ZNF730: variants seen among roughly 807,000 people sequenced by gnomAD.
ZNF730 encodes zinc finger protein 730.
A neutral mutation model predicts 12.6 loss-of-function variants in ZNF730; 12 were observed. That is an observed-to-expected ratio of 0.95 (90% CI 0.61 to 1.54). ZNF730 has a LOEUF of 1.54. Among genes scored for constraint, ZNF730 ranks in the 40% most tolerant of loss-of-function variants. The pLI, the probability that ZNF730 is intolerant of heterozygous loss-of-function variation, is 0.00. For missense variants in ZNF730, 643 were observed against 583.5 expected (o/e 1.10, Z -1.05); for synonymous variants, 194 against 195.8 (o/e 0.99, Z 0.08).
At chr19:23,089,011 T>C (rs774709685) in intron 1 of ZNF730, among the ~76,000 whole-genome samples, 12 of 151,726 alleles carry the variant, frequency 7.9e-5, no homozygotes, top group Non-Finnish European at 1.3e-4. Context: ...TAGCTGGGAT[T>C]ACAGGCATGT....
In ZNF730 at chr19:23,135,988, G is replaced by A; in HGVS notation, c.171G>A (p.Glu57=). 2 of 1,609,126 alleles carry A rather than the reference G, an allele frequency of 1.2e-6. No homozygotes were observed. Among genetic ancestry groups the A allele is most frequent in the South Asian group, 1.1e-5 (1 of 90,532 alleles). ...VSKPDLITCL[E]QEKEPWNLKT... ...AGCCAGACCTGATCACCTGTCTGGA[G>A]CAAGAAAAAGAGCCTTGGAATTTGA... is the stretch of plus-strand genomic sequence containing the variant. Residue 57 remains glutamate (E), a synonymous_variant, in exon 3 of 4, where the codon GAG becomes GAA. Coordinates refer to ENST00000597761, the MANE Select transcript of ZNF730 (RefSeq NM_001277403.2).
At position 23,146,613 on chromosome 19, in the gene ZNF730, G is replaced by C; in HGVS notation, c.*57G>C. The C allele has an allele frequency of 6.3e-7, 1 of 1,580,550 alleles. No homozygotes were observed. The highest frequency in any genetic ancestry group is 1.1e-5 in the South Asian group (1 of 90,224). On this transcript the variant is annotated 3_prime_UTR_variant, in exon 4 of 4. Transcript: ENST00000597761. ...AATCTTTATACCTTACTACACATAA[G>C]ATAATTCATACTGAAGAGAAACCCT...
At chr19:23,140,595 A>C (rs1970901756) in intron 3 of ZNF730, among the ~76,000 whole-genome samples, 1 of 145,140 alleles carries the variant, frequency 6.9e-6, no homozygotes, top group Admixed American at 7.0e-5. Flanking sequence ...TGGGCAAAGC[A>C]AGACTCGGTC....
At chr19:23,139,648 C>T (rs192154731) in intron 3 of ZNF730, among the ~76,000 whole-genome samples, 2 of 152,120 alleles carry the variant, frequency 1.3e-5, no homozygotes, top group South Asian at 4.1e-4. Flanking sequence ...TCTCAGCCTC[C>T]CGAGTAACTG....
In ZNF730 at chr19:23,147,051, C is replaced by CA; in HGVS notation, c.*497dup. Reference sequence around the variant, plus strand: ...TGATTCATACTGGAGAAAACTTCTACAAGTGTAAACAAAGTGGCAAAACTT... The same window carrying CA: ...TGATTCATACTGGAGAAAACTTCTACAAAGTGTAAACAAAGTGGCAAAACTT... On this transcript the variant is annotated 3_prime_UTR_variant, in exon 4 of 4. Transcript: ENST00000597761. 3.8e-6 allele frequency: 1 copy of CA among 263,874 alleles called. No individual in the cohort carries two copies. Among genetic ancestry groups the CA allele is most frequent in the Middle Eastern group, 1.4e-3 (1 of 710 alleles). 16.3% of individuals were successfully genotyped at this position (263,874 alleles called of 1,614,324 possible).
chr19:23,075,285 A>ACCCCCGC (rs1969836173), exon 1 of ZNF730: 1 of 152,120 alleles, frequency 6.6e-6, no homozygotes, highest in Non-Finnish European at 1.5e-5. Context: ...GGAACCACCG[A>ACCCCCGC]CCCCCGCCCG....
At chr19:23,101,776 G>T (rs567963548) in intron 1 of ZNF730, among the ~76,000 whole-genome samples, 10 of 152,252 alleles carry the variant, frequency 6.6e-5, no homozygotes, top group Non-Finnish European at 1.0e-4. Flanking sequence ...CACCATGTTG[G>T]TCAGGCTGGT....
chr19:23,126,541 C>A, intron 1 of ZNF730: 1 of 401,922 alleles, frequency 2.5e-6, no homozygotes, highest in Non-Finnish European at 5.0e-6. Context: ...GGAAGGCAGC[C>A]CTTTTCAACA....
rs1971020996 is a variant in ZNF730 at position 23,146,732 on chromosome 19, A to G, written c.*176A>G. ...ACTGGAGAAAAACCTACAAATGTGAAGAATGTGGCAAAGTCTTCAACCAAT... is the reference window on the plus strand; with the variant it reads ...ACTGGAGAAAAACCTACAAATGTGAGGAATGTGGCAAAGTCTTCAACCAAT... On this transcript the variant is annotated 3_prime_UTR_variant, in exon 4 of 4. Transcript: ENST00000597761. 6 of 1,316,902 alleles carry G rather than the reference A, an allele frequency of 4.6e-6. No individual in the cohort carries two copies. The highest frequency in any genetic ancestry group is 1.7e-5 in the Admixed American group (1 of 59,362). The allele number at this position is 1,316,902 out of a possible 1,614,324, so 81.6% of individuals were successfully genotyped here. A position where few individuals can be genotyped will look rare whatever the true frequency, so the allele number is the denominator to read the frequency against.
chr19:23,131,929 T>C (rs547645092), intron 1 of ZNF730, among the ~76,000 whole-genome samples: 1 of 152,328 alleles, frequency 6.6e-6, no homozygotes, highest in Admixed American at 6.5e-5. Context: ...ACATTTATGA[T>C]AGTTAAGTCT....
Position 23,146,156 on chromosome 19 carries a change from A to G in ZNF730, c.1112A>G (p.Lys371Arg). The G allele has an allele frequency of 5.0e-6, 8 of 1,608,702 alleles. No individual in the cohort carries two copies. The highest frequency in any genetic ancestry group is 6.8e-6 in the Non-Finnish European group (8 of 1,177,280). The change falls in exon 4 of 4, where the codon AAA (lysine) becomes AGA (arginine). Residue 371 changes from lysine to arginine, a missense_variant. Lys to Arg is a conservative substitution (Grantham distance 26). Transcript: ENST00000597761. ...ACTGGAGGGAAACCCTACAAATATA[A>G]AGAATGTGGTAAAGCTTTTAACCAA... is the stretch of plus-strand genomic sequence containing the variant. The part of the protein sequence containing the change: ...THTGGKPYKY[K>R]ECGKAFNQSS...
At chr19:23,102,120 C>T (rs977700830) in intron 1 of ZNF730, among the ~76,000 whole-genome samples, 1 of 152,134 alleles carries the variant, frequency 6.6e-6, no homozygotes, top group Non-Finnish European at 1.5e-5. Context: ...AATGTGACTC[C>T]GTTTTTGCCT....
intron 1 of ZNF730, among the ~76,000 whole-genome samples, chr19:23,119,565 T>A (rs1970573338): frequency 6.6e-6 from 1 of 152,212 alleles, no homozygotes; most frequent in African/African-American, 2.4e-5. Flanking sequence ...GCTCACGCCA[T>A]CTCAGCACTT....
upstream of ZNF730, among the ~76,000 whole-genome samples, chr19:23,116,676 C>T (rs1970530310): frequency 6.6e-6 from 1 of 151,868 alleles, no homozygotes; most frequent in Non-Finnish European, 1.5e-5. Context: ...CCGCCTCGGC[C>T]CCCCAAAGTG....
Position 23,145,495 on chromosome 19 carries a change from G to C in ZNF730, c.451G>C (p.Val151Leu), listed in dbSNP as rs867642077. The C allele has an allele frequency of 1.7e-5, 26 of 1,564,370 alleles. 1 individual carries two copies. In the Middle Eastern group the frequency reaches 8.3e-4, roughly 50 times the overall value. Residue 151 changes from valine (V) to leucine (L), a missense_variant, in exon 4 of 4, where the codon GTG (valine) becomes CTG (leucine). Physicochemically the swap from Val to Leu is conservative, Grantham distance 32 (BLOSUM62 1). Coordinates refer to ENST00000597761, the MANE Select transcript of ZNF730 (RefSeq NM_001277403.2). The stretch of plus-strand genomic sequence containing the variant: ...CAAAATATTTCAGTGTGACAAATAT[G>C]TGAAAGTCTTTCATAAATTTTCAAA... Reference protein sequence around the residue: ...HSKIFQCDKYVKVFHKFSNSN... With the variant: ...HSKIFQCDKYLKVFHKFSNSN...
At chr19:23,132,065 C>T (rs1415549880) in intron 1 of ZNF730, among the ~76,000 whole-genome samples, 1 of 152,168 alleles carries the variant, frequency 6.6e-6, no homozygotes, top group Non-Finnish European at 1.5e-5. Flanking sequence ...GGGAGGGCAC[C>T]TGAGGACAGG....
upstream of ZNF730, among the ~76,000 whole-genome samples, chr19:23,115,359 A>G (rs1337821222): frequency 2.6e-5 from 4 of 152,212 alleles, no homozygotes; most frequent in African/African-American, 9.6e-5. Flanking sequence ...AAAAGGCAGA[A>G]TGATACTAAT....
Position 23,145,306 on chromosome 19 carries a change from G to C in ZNF730, c.262G>C (p.Glu88Gln). The C allele has an allele frequency of 7.0e-6, 11 of 1,577,298 alleles. No homozygotes were observed. Among genetic ancestry groups the C allele is most frequent in the Non-Finnish European group, 9.4e-6 (11 of 1,165,166 alleles). The change falls in exon 4 of 4, where the codon GAG becomes CAG. Residue 88 changes from glutamate (E) to glutamine (Q), a missense_variant. Transcript: ENST00000597761. ...CSHIAQDLWP[E>Q]QGIKDYFQEV... ...TCATATTGCCCAAGACCTTTGGCCA[G>C]AGCAAGGCATAAAAGATTATTTCCA... is the stretch of plus-strand genomic sequence containing the variant.
At chr19:23,095,671 G>T in intron 1 of ZNF730, 1 of 381,764 alleles carries the variant, frequency 2.6e-6, no homozygotes, top group Admixed American at 4.5e-5. Flanking sequence ...AATGTGATGT[G>T]AGTCTCCTGC....
Sources: allele counts gnomAD v4.1 joint callset (sites outside exome capture counted in the v4.1 genomes callset), GRCh38; gene constraint gnomAD v4.1.1; transcripts MANE v1.5; gene names NCBI Gene and HGNC (gene_info 2026-07-23, HGNC 2026-07-21).